The following ITLN1 variants were observed in gnomAD, a reference collection of about 807,000 sequenced individuals.
The protein encoded by ITLN1 is intelectin-1.
Under a neutral mutation model 36.2 loss-of-function variants are expected in ITLN1, and 29 were observed. The ratio of observed to expected loss-of-function variants is 0.80; its 90% confidence interval spans 0.60 to 1.09. The LOEUF is 1.09. Ranked by LOEUF, ITLN1 falls within the 50% of genes least tolerant of loss-of-function variation. ITLN1 has a pLI of 0.00. For missense variants in ITLN1, 358 were observed against 405.2 expected, an observed-to-expected ratio of 0.88 and a Z score of 1.00; for synonymous variants, 143 against 146.5, an observed-to-expected ratio of 0.98 and a Z score of 0.17.
Position 160,876,935 on chromosome 1 carries a change from TG to T in ITLN1, c.790-120del. ...TCATCAGACTCTCCATTGACAGTGT[TG>T]ATCTATTCTTCCCATAAAAACCTCT... On this transcript the variant is annotated intron_variant, in intron 7 of 7. Transcript: ENST00000326245. The T allele has an allele frequency of 3.9e-6, 4 of 1,022,548 alleles. No individual in the cohort carries two copies. The South Asian group carries it at 4.9e-5, about 12-fold the overall frequency. 63.3% of individuals were successfully genotyped at this position (1,022,548 alleles called of 1,614,324 possible).
In ITLN1 at chr1:160,883,525, A is replaced by G; in HGVS notation, c.60T>C (p.Asp20=). 5.6e-6 allele frequency: 9 copies of G among 1,596,346 alleles called. No homozygotes were observed. Among genetic ancestry groups the G allele is most frequent in the Non-Finnish European group, 7.7e-6 (9 of 1,164,140 alleles). ...LIATTRGWST[D]EANTYFKEWT... is the part of the protein sequence containing the mutation. ...ATTCCTTGAAGTAAGTATTAGCCTC[A>G]TCTAGGGAATACACAGGGTTTATTC... is the stretch of plus-strand genomic sequence containing the variant. The change falls in exon 3 of 8, where the codon GAT becomes GAC. Residue 20 remains aspartate (D), a splice_region_variant and synonymous_variant. Coordinates refer to ENST00000326245, the MANE Select transcript of ITLN1 (RefSeq NM_017625.3).
chr1:160,878,447 G>A (rs1173981576), intron 7 of ITLN1, among the ~76,000 whole-genome samples: 1 of 150,008 alleles, frequency 6.7e-6, no homozygotes, highest in Non-Finnish European at 1.5e-5. Flanking sequence ...GTGCAGTGGT[G>A]TGATCTTGGC....
Position 160,880,710 on chromosome 1 carries a change from T to C in ITLN1, c.565-2A>G, listed in dbSNP as rs1242587033. 2 of 1,613,948 alleles carry C rather than the reference T, an allele frequency of 1.2e-6. No homozygotes were observed. The highest frequency in any genetic ancestry group is 1.7e-6 in the Non-Finnish European group (2 of 1,179,978). On this transcript the variant is annotated splice_acceptor_variant, in intron 5 of 7. Transcript: ENST00000326245. LOFTEE classifies it high-confidence loss of function. ...TTCTCCATATTTCACTGGATATTTC[T>C]ACAAAGAACACAGAAAAAGTCATGG...
chr1:160,881,413 C>A, intron 4 of ITLN1, 101 bp from the exon 5 acceptor site: 1 of 1,347,042 alleles, frequency 7.4e-7, no homozygotes, highest in East Asian at 2.5e-5. Flanking sequence ...CTCTGGACTC[C>A]AGATGAGCAG....
chr1:160,884,408 A>T (rs1399593555), intron 2 of ITLN1, among the ~76,000 whole-genome samples: 187 of 152,194 alleles, frequency 1.2e-3, no homozygotes, highest in African/African-American at 4.5e-3. Context: ...TTCTTTAAAA[A>T]AAAAATTTTT....
At position 160,879,356 on chromosome 1, in the gene ITLN1, G is replaced by T. The variant is rs373704009; in HGVS notation, c.744C>A (p.Asn248Lys). The change falls in exon 7 of 8, where the codon AAC (asparagine) becomes AAA (lysine). Residue 248 changes from asparagine to lysine, a missense_variant. Asn to Lys is a moderately conservative substitution (Grantham distance 94, BLOSUM62 0). Coordinates refer to ENST00000326245, the MANE Select transcript of ITLN1 (RefSeq NM_017625.3). The part of the protein sequence containing the change: ...FRVFNNERAA[N>K]ALCAGMRVTG... ...TGACCCTCATTCCAGCACACAAGGC[G>T]TTGGCTGCTCTCTCGTTATTAAATA... 6.2e-7 allele frequency: 1 copy of T among 1,614,114 alleles called. No individual in the cohort carries two copies. The highest frequency in any genetic ancestry group is 1.1e-5 in the South Asian group (1 of 91,074).
rs548190253 is a variant in ITLN1, at chr1:160,880,559, A to T, written c.685+29T>A. ...AGTTGAATGTATTCCCTTTCCTACCAGGAGTTCAGAGGATCATTAAAGACT... is the reference window on the plus strand; with the variant it reads ...AGTTGAATGTATTCCCTTTCCTACCTGGAGTTCAGAGGATCATTAAAGACT... On this transcript the variant is annotated intron_variant, in intron 6 of 7. Transcript: ENST00000326245. The T allele has an allele frequency of 3.8e-5, 61 of 1,611,404 alleles. No homozygotes were observed. The South Asian group carries it at 6.5e-4, about 17-fold the overall frequency.
At position 160,876,657 on chromosome 1, in the gene ITLN1, A is replaced by C. The variant is rs999832249; in HGVS notation, c.*7T>G. 23 of 1,613,938 alleles carry C rather than the reference A, an allele frequency of 1.4e-5. No individual in the cohort carries two copies. The highest frequency in any genetic ancestry group is 1.8e-5 in the Non-Finnish European group (21 of 1,179,932). Reference sequence around the variant, plus strand: ...AGGAGAGGTCTGGGTTCCCTCCCACAAAACTCTCAACGATAGAATAGAAGC... The same window carrying C: ...AGGAGAGGTCTGGGTTCCCTCCCACCAAACTCTCAACGATAGAATAGAAGC... On this transcript the variant is annotated 3_prime_UTR_variant, in exon 8 of 8. Coordinates refer to ENST00000326245, the MANE Select transcript of ITLN1 (RefSeq NM_017625.3).
chr1:160,877,256 T>C (rs1344184158), intron 7 of ITLN1, among the ~76,000 whole-genome samples: 2 of 151,064 alleles, frequency 1.3e-5, no homozygotes, highest in Non-Finnish European at 3.0e-5. Flanking sequence ...AAAAAAAAAC[T>C]CTCTTCCTTT....
chr1:160,876,951 TA>T (rs1157542383), intron 7 of ITLN1, 135 bp from the exon 8 acceptor site: 2 of 915,052 alleles, frequency 2.2e-6, no homozygotes, highest in African/African-American at 3.4e-5. Flanking sequence ...ATTCTTCCCA[TA>T]AAAACCTCTC....
At chr1:160,884,009 C>A (rs909463792) in intron 2 of ITLN1, among the ~76,000 whole-genome samples, 3 of 152,148 alleles carry the variant, frequency 2.0e-5, no homozygotes, top group African/African-American at 7.2e-5. Context: ...GAGAAGAAGG[C>A]AAGACGGGTT....
intron 3 of ITLN1, 65 bp from the exon 4 acceptor site, chr1:160,882,269 CAAG>C: frequency 1.3e-6 from 2 of 1,516,520 alleles, no homozygotes; most frequent in South Asian, 2.7e-5. Flanking sequence ...AGCCCCATGA[CAAG>C]AAAGGCCCTA....
In ITLN1 at chr1:160,882,041, T is replaced by G. The variant is rs746805104; in HGVS notation, c.321A>C (p.Lys107Asn). The change falls in exon 4 of 8, where the codon AAA becomes AAC. Residue 107 changes from lysine (K) to asparagine (N), a missense_variant. Coordinates refer to ENST00000326245, the MANE Select transcript of ITLN1 (RefSeq NM_017625.3). ...GDRWSSQQGS[K>N]AVYPEGDGNW... ...TGCCGTCCCCCTCTGGGTAGACTGC[T>G]TTGCTGCCCTGCTGACTGGACCAGC... 1.1e-5 allele frequency: 18 copies of G among 1,613,998 alleles called. No individual in the cohort carries two copies. Among genetic ancestry groups the G allele is most frequent in the Non-Finnish European group, 1.4e-5 (17 of 1,180,008 alleles).
chr1:160,884,882 A>G lies in ITLN1; in HGVS notation c.-5T>C, dbSNP rs1416132634. On this transcript the variant is annotated splice_region_variant and 5_prime_UTR_variant, in exon 2 of 8. Transcript: ENST00000326245. ...CAGGAAGCTGAGTTGGTTCATTGTA[A>G]TCTAAAGAAAGCAAGATGAAGGTCA... 6.2e-7 allele frequency: 1 copy of G among 1,610,382 alleles called. No individual in the cohort carries two copies. The highest frequency in any genetic ancestry group is 1.7e-5 in the Admixed American group (1 of 59,972).
intron 7 of ITLN1, among the ~76,000 whole-genome samples, chr1:160,878,168 C>CA (rs111456321): frequency 0.012 from 1,784 of 144,906 alleles, 32 homozygotes; most frequent in African/African-American, 0.042. Context: ...AACTCTGTCT[C>CA]AAAAAAAAAA....
Position 160,879,399 on chromosome 1 carries a change from C to T in ITLN1, c.701G>A (p.Gly234Glu), listed in dbSNP as rs377155689. 6.2e-7 allele frequency: 1 copy of T among 1,613,996 alleles called. No homozygotes were observed. Among genetic ancestry groups the T allele is most frequent in the Non-Finnish European group, 8.5e-7 (1 of 1,179,878 alleles). ...SPYGQREFTA[G>E]FVQFRVFNNE... ...ATTAAATACCCTGAACTGAACAAAT[C>T]CCGCAGTGAATTCCCCTGAAAACAA... Residue 234 changes from glycine (G) to glutamate (E), a missense_variant, in exon 7 of 8, where the codon GGA becomes GAA. By Grantham distance (98) the Gly-to-Glu change is moderately conservative. Transcript: ENST00000326245.
chr1:160,879,231 TCAACACACTCACACATAC>T, intron 7 of ITLN1, 62 bp downstream of exon 7: 1 of 995,698 alleles, frequency 1.0e-6, no homozygotes, highest in Non-Finnish European at 1.6e-6. Context: ...CATACCACAC[TCAACACACTCACACATAC>T]CAACACACAC....
rs376179451 is a variant in ITLN1 at position 160,876,829 on chromosome 1, G to C, written c.790-13C>G. The C allele has an allele frequency of 1.6e-5, 26 of 1,612,916 alleles. No individual in the cohort carries two copies. The African/African-American group carries it at 2.9e-4, about 18-fold the overall frequency. On this transcript the variant is annotated splice_polypyrimidine_tract_variant and intron_variant, in intron 7 of 7. Transcript: ENST00000326245. ...CACCAATGCAGTGCTGGGAAACAAA[G>C]AGAGGAAGAGGCAGTAATGAGAGAT... is the stretch of plus-strand genomic sequence containing the variant.
At chr1:160,878,592 C>G (rs1399784822) in intron 7 of ITLN1, among the ~76,000 whole-genome samples, 3 of 151,974 alleles carry the variant, frequency 2.0e-5, no homozygotes, top group Non-Finnish European at 4.4e-5. Flanking sequence ...TGCCATTTTT[C>G]CCAGGCTGGT....
Sources: allele counts gnomAD v4.1 joint callset (sites outside exome capture counted in the v4.1 genomes callset), GRCh38; gene constraint gnomAD v4.1.1; transcripts MANE v1.5; gene names NCBI Gene and HGNC (gene_info 2026-07-23, HGNC 2026-07-21).